GRID1: variants seen among roughly 807,000 people sequenced by gnomAD.
The protein encoded by GRID1 is glutamate receptor ionotropic, delta-1.
Under a neutral mutation model 98.0 loss-of-function variants are expected in GRID1, and 28 were observed. The ratio of observed to expected loss-of-function variants is 0.29; its 90% CI spans 0.21 to 0.39. The LOEUF (loss-of-function observed/expected upper bound fraction) is 0.39, where lower values mean the gene tolerates loss of function less well. GRID1 is among the 10% of genes least tolerant of loss of function. The probability of loss-of-function intolerance (pLI) is 1.00; values close to 1 mark genes in which losing one functional copy is unlikely to be tolerated. For missense variants in GRID1, 1,111 were observed against 1,340.5 expected (o/e 0.83, Z 2.67); for synonymous variants, 553 against 538.5 (o/e 1.03, Z -0.37).
At chr10:86,168,337 G>A (rs1265181190) in intron 3 of GRID1, among the ~76,000 whole-genome samples, 3 of 152,214 alleles carry the variant, frequency 2.0e-5, no homozygotes. Flanking sequence ...GAGCCGAGGA[G>A]ACAATGCAGG....
At chr10:85,753,765 C>T (rs1157422565) in intron 8 of GRID1, among the ~76,000 whole-genome samples, 1 of 152,192 alleles carries the variant, frequency 6.6e-6, no homozygotes, top group African/African-American at 2.4e-5. Flanking sequence ...TCAGGACAGC[C>T]TCCCACGGGG....
intron 4 of GRID1, among the ~76,000 whole-genome samples, chr10:86,012,490 T>G (rs1842932888): frequency 6.6e-6 from 1 of 152,178 alleles, no homozygotes; most frequent in Admixed American, 6.5e-5. Context: ...AGACCTCAAC[T>G]CACATAAAGC....
At chr10:86,067,515 C>T (rs961882519) in intron 4 of GRID1, among the ~76,000 whole-genome samples, 1 of 152,214 alleles carries the variant, frequency 6.6e-6, no homozygotes, top group Non-Finnish European at 1.5e-5. Context: ...CTTTCTTGAG[C>T]ATGCTTATAT....
chr10:85,817,525 C>T (rs778269297), intron 8 of GRID1, among the ~76,000 whole-genome samples: 3 of 151,754 alleles, frequency 2.0e-5, no homozygotes, highest in Non-Finnish European at 4.4e-5. Flanking sequence ...GACTCTATCT[C>T]AATAATAACA....
Position 85,694,546 on chromosome 10 carries a change from GTGTGTATATA to G in GRID1, c.1997+28447_1997+28456del, listed in dbSNP as rs1181837502. Among the ~76,000 whole-genome samples, 47 of 78,168 alleles carry G rather than the reference GTGTGTATATA, an allele frequency of 6.0e-4. 1 individual carries two copies. Among genetic ancestry groups the G allele is most frequent in the African/African-American group, 2.1e-3 (43 of 20,896 alleles). The allele number at this position is 78,168 out of a possible 152,430, so 51.3% of individuals were successfully genotyped here. A position where few individuals can be genotyped will look rare whatever the true frequency, so the allele number is the denominator to read the frequency against. On this transcript the variant is annotated intron_variant, in intron 12 of 15. Transcript: ENST00000327946. ...CTGGTAACTAGATAAAGAAAATGTG[GTGTGTATATA>G]TATATATATATATATATATATATAT...
chr10:85,745,723 TAA>T (rs143199820), intron 8 of GRID1, among the ~76,000 whole-genome samples: 18 of 131,442 alleles, frequency 1.4e-4, no homozygotes, highest in Non-Finnish European at 1.3e-4. Flanking sequence ...AAAGTATAAT[TAA>T]AAAAAAAAAA....
chr10:86,318,116 G>A (rs1387013521), intron 2 of GRID1, among the ~76,000 whole-genome samples: 2 of 152,146 alleles, frequency 1.3e-5, no homozygotes, highest in Non-Finnish European at 2.9e-5. Flanking sequence ...GGTGCTTGGG[G>A]AGCCTCACCC....
chr10:86,032,936 A>G (rs1339599558), intron 4 of GRID1, among the ~76,000 whole-genome samples: 2 of 151,790 alleles, frequency 1.3e-5, no homozygotes, highest in African/African-American at 4.8e-5. Flanking sequence ...AGGTTTTTAA[A>G]GAATAAATCA....
At chr10:86,157,165 T>C (rs976839639) in intron 3 of GRID1, among the ~76,000 whole-genome samples, 6 of 152,132 alleles carry the variant, frequency 3.9e-5, no homozygotes, top group African/African-American at 1.4e-4. Flanking sequence ...CGAGTTCTGA[T>C]GGGGGCTTGT....
chr10:85,679,303 T>G (rs1334861420), intron 12 of GRID1, among the ~76,000 whole-genome samples: 1 of 152,232 alleles, frequency 6.6e-6, no homozygotes, highest in Non-Finnish European at 1.5e-5. Flanking sequence ...AAAATATGAC[T>G]CCTGTCGAAG....
intron 4 of GRID1, among the ~76,000 whole-genome samples, chr10:85,998,101 A>AT (rs1238201921): frequency 6.6e-6 from 1 of 152,198 alleles, no homozygotes; most frequent in Non-Finnish European, 1.5e-5. Context: ...AGACAAAAAA[A>AT]TTATCAAAGA....
At chr10:85,739,796 T>C (rs1428469753) in intron 8 of GRID1, among the ~76,000 whole-genome samples, 2 of 152,066 alleles carry the variant, frequency 1.3e-5, no homozygotes, top group Non-Finnish European at 2.9e-5. Context: ...GGGGGAAAAA[T>C]AGATTACATA....
chr10:85,979,590 T>C (rs1245906189), intron 4 of GRID1, among the ~76,000 whole-genome samples: 1 of 152,208 alleles, frequency 6.6e-6, no homozygotes, highest in Non-Finnish European at 1.5e-5. Flanking sequence ...ATGTCTCCTT[T>C]TCATAAGGAA....
chr10:86,155,918 G>A (rs951712434), intron 3 of GRID1, among the ~76,000 whole-genome samples: 12 of 152,230 alleles, frequency 7.9e-5, no homozygotes, highest in Non-Finnish European at 1.5e-4. Context: ...CAGGATGGGT[G>A]CAAGGCATCA....
intron 3 of GRID1, among the ~76,000 whole-genome samples, chr10:86,156,971 G>A (rs1468328793): frequency 2.6e-5 from 4 of 152,190 alleles, no homozygotes; most frequent in Non-Finnish European, 4.4e-5. Context: ...AGGAGTGAAT[G>A]AGGATGAAGG....
At chr10:85,911,720 A>G (rs1477544866) in intron 5 of GRID1, among the ~76,000 whole-genome samples, 2 of 152,154 alleles carry the variant, frequency 1.3e-5, no homozygotes, top group African/African-American at 4.8e-5. Context: ...GTCCCCATCA[A>G]CCTTGGTTCT....
intron 2 of GRID1, among the ~76,000 whole-genome samples, chr10:86,360,268 A>G (rs933585713): frequency 1.3e-5 from 2 of 152,250 alleles, no homozygotes; most frequent in Admixed American, 6.5e-5. Context: ...ATGATGTTAA[A>G]TAGGAAAAAA....
chr10:85,602,022 G>A lies in GRID1; in HGVS notation c.*251C>T. ...AGTAATTTGCCTTTTTATTCATATA[G>A]AACAAAATTTACAAAGTCATTCATA... On this transcript the variant is annotated 3_prime_UTR_variant, in exon 16 of 16. Transcript: ENST00000327946. The A allele has an allele frequency of 2.4e-6, 1 of 422,376 alleles. No individual in the cohort carries two copies. Among genetic ancestry groups the A allele is most frequent in the Non-Finnish European group, 4.2e-6 (1 of 238,898 alleles). The allele number at this position is 422,376 out of a possible 1,614,324, so 26.2% of individuals were successfully genotyped here.
chr10:86,050,674 AGCAAAAAAGT>A (rs1409709778), intron 4 of GRID1, among the ~76,000 whole-genome samples: 5 of 152,312 alleles, frequency 3.3e-5, no homozygotes, highest in African/African-American at 1.2e-4. Flanking sequence ...CTTAAATAGC[AGCAAAAAAGT>A]GCAAAAAAAG....
Sources: gnomAD v4.1 joint callset for allele counts (sites outside exome capture counted in the v4.1 genomes callset) on GRCh38, gnomAD v4.1.1 for gene constraint, MANE v1.5 for transcripts, NCBI Gene and HGNC (gene_info 2026-07-23, HGNC 2026-07-21) for gene names.